TFEB: variants seen among roughly 807,000 people sequenced by gnomAD.
TFEB encodes transcription factor EB.
TFEB carries 12 observed loss-of-function variants against 48.0 expected under a neutral mutation model. The ratio of observed to expected loss-of-function variants is 0.25; its 90% CI spans 0.16 to 0.40. The LOEUF (loss-of-function observed/expected upper bound fraction) is 0.40, where lower values mean the gene tolerates loss of function less well. Ranked by LOEUF, TFEB falls within the 10% of genes least tolerant of loss-of-function variation. The pLI is 1.00. For synonymous variants in TFEB, 244 were observed against 261.4 expected, an observed-to-expected ratio of 0.93 and a Z score of 0.64; for missense variants, 509 against 640.3, an observed-to-expected ratio of 0.79 and a Z score of 2.21.
At chr6:41,708,908 C>T (rs1291143834) in intron 1 of TFEB, among the ~76,000 whole-genome samples, 2 of 152,136 alleles carry the variant, frequency 1.3e-5, no homozygotes, top group Admixed American at 6.5e-5. Flanking sequence ...CCCCACTTGG[C>T]GGAAGGTTAA....
At chr6:41,728,703 T>C (rs968834161) in intron 1 of TFEB, among the ~76,000 whole-genome samples, 1 of 151,894 alleles carries the variant, frequency 6.6e-6, no homozygotes, top group Non-Finnish European at 1.5e-5. Flanking sequence ...GGGGAGGTGC[T>C]GGCAGACTCT....
chr6:41,696,873 TC>T (rs1477539515), intron 1 of TFEB, among the ~76,000 whole-genome samples: 1 of 152,044 alleles, frequency 6.6e-6, no homozygotes, highest in Non-Finnish European at 1.5e-5. Context: ...GTATATGAGT[TC>T]AAAAAAACGC....
Position 41,735,003 on chromosome 6 carries a change from C to T in TFEB, c.-23+347G>A, listed in dbSNP as rs940170976. The T allele has an allele frequency of 8.1e-6, 8 of 985,294 alleles. No homozygotes were observed. The African/African-American group carries it at 1.4e-4, about 17-fold the overall frequency. The allele number at this position is 985,294 out of a possible 1,614,324, so 61.0% of individuals were successfully genotyped here. A position where few individuals can be genotyped will look rare whatever the true frequency, so the allele number is the denominator to read the frequency against. ...CAAACTTCTTGCGAGTTCACCATCA[C>T]GCCTCCCGCCCCTTCGACTCCCAGC... On this transcript the variant is annotated intron_variant, in intron 1 of 8. Transcript: ENST00000373033.
chr6:41,731,270 G>T (rs560942943), intron 1 of TFEB, among the ~76,000 whole-genome samples: 1 of 152,136 alleles, frequency 6.6e-6, no homozygotes, highest in South Asian at 2.1e-4. Context: ...AGTGTTAAGT[G>T]GCAGAGCTGT....
intron 1 of TFEB, among the ~76,000 whole-genome samples, chr6:41,726,162 A>G (rs1361581352): frequency 6.6e-6 from 1 of 152,248 alleles, no homozygotes; most frequent in African/African-American, 2.4e-5. Flanking sequence ...CTACGGCTAT[A>G]CACAACATAA....
At chr6:41,715,531 G>A (rs772493984) in intron 1 of TFEB, among the ~76,000 whole-genome samples, 51 of 152,130 alleles carry the variant, frequency 3.4e-4, no homozygotes, top group Non-Finnish European at 3.8e-4. Context: ...TTAGCCGGGT[G>A]TGGTGGCGGA....
chr6:41,709,808 A>T (rs1022486805), intron 1 of TFEB, among the ~76,000 whole-genome samples: 4 of 152,076 alleles, frequency 2.6e-5, no homozygotes, highest in African/African-American at 9.7e-5. Context: ...TATTTTTGAG[A>T]CAGGGTCTCA....
intron 1 of TFEB, among the ~76,000 whole-genome samples, chr6:41,699,689 G>C (rs1769793427): frequency 6.6e-6 from 1 of 152,176 alleles, no homozygotes. Context: ...TCATAATATA[G>C]CCTTTTATTA....
At chr6:41,704,380 A>G (rs1223624317) in intron 1 of TFEB, among the ~76,000 whole-genome samples, 3 of 152,238 alleles carry the variant, frequency 2.0e-5, no homozygotes, top group Non-Finnish European at 2.9e-5. Context: ...CCATCTGTAC[A>G]AAAGGATGGC....
At chr6:41,702,933 C>T (rs937274302) in intron 1 of TFEB, among the ~76,000 whole-genome samples, 10 of 152,230 alleles carry the variant, frequency 6.6e-5, no homozygotes. Context: ...AGGCTCCCTG[C>T]CGCCTGCCTG....
At chr6:41,728,737 G>A (rs939672527) in intron 1 of TFEB, among the ~76,000 whole-genome samples, 2 of 152,132 alleles carry the variant, frequency 1.3e-5, no homozygotes, top group African/African-American at 4.8e-5. Context: ...CAGACTGTGA[G>A]CCCTACACCA....
rs1325717882 is a variant in TFEB at position 41,734,539 on chromosome 6, G to C, written c.-23+811C>G. The C allele has an allele frequency of 6.3e-6, 1 of 159,194 alleles. No homozygotes were observed. The highest frequency in any genetic ancestry group is 2.2e-4 in the East Asian group (1 of 4,516). 9.9% of individuals were successfully genotyped at this position (159,194 alleles called of 1,614,324 possible). A position where few individuals can be genotyped will look rare whatever the true frequency, so the allele number is the denominator to read the frequency against. On this transcript the variant is annotated intron_variant, in intron 1 of 8. Transcript: ENST00000373033. The surrounding 1 kb of genome is among the most constrained non-coding windows in gnomAD (Gnocchi z 4.0). ...GACTCGGGGGATCGGGGGGAAGGGG[G>C]CGTGTTTTCCGGGATTCGGGACCGA...
At chr6:41,714,810 C>T (rs1035285680) in intron 1 of TFEB, among the ~76,000 whole-genome samples, 2 of 152,142 alleles carry the variant, frequency 1.3e-5, no homozygotes, top group African/African-American at 4.8e-5. Flanking sequence ...GACTCCAGCC[C>T]TCAGGGAATC....
At chr6:41,696,143 AC>A (rs1769569612) in intron 1 of TFEB, among the ~76,000 whole-genome samples, 2 of 152,228 alleles carry the variant, frequency 1.3e-5, no homozygotes, top group Non-Finnish European at 2.9e-5. Context: ...GTGCCCTCAA[AC>A]TATTGTCAGC....
chr6:41,695,680 C>T (rs1769540298), intron 1 of TFEB, among the ~76,000 whole-genome samples: 2 of 152,040 alleles, frequency 1.3e-5, no homozygotes, highest in South Asian at 2.1e-4. Flanking sequence ...GAGTTGTTAC[C>T]GCTGGGGAGG....
At chr6:41,703,600 C>A (rs1395801013) in intron 1 of TFEB, among the ~76,000 whole-genome samples, 2 of 152,212 alleles carry the variant, frequency 1.3e-5, no homozygotes, top group Non-Finnish European at 2.9e-5. Context: ...CTGAAGTAGC[C>A]AGGTCTTCCT....
At chr6:41,706,527 C>T (rs2127459865) in intron 1 of TFEB, among the ~76,000 whole-genome samples, 1 of 151,306 alleles carries the variant, frequency 6.6e-6, no homozygotes, top group South Asian at 2.1e-4. Flanking sequence ...CCCCATCCTG[C>T]CCAAGAGTTG....
chr6:41,724,137 T>C lies in TFEB; in HGVS notation c.-23+11213A>G, dbSNP rs891861274. 3.3e-5 allele frequency among the ~76,000 whole-genome samples: 5 copies of C among 152,178 alleles called. No individual in the cohort carries two copies. Among genetic ancestry groups the C allele is most frequent in the Non-Finnish European group, 7.3e-5 (5 of 68,038 alleles). On this transcript the variant is annotated intron_variant, in intron 1 of 8. Transcript: ENST00000373033. The surrounding 1 kb of genome is among the most constrained non-coding windows in gnomAD (Gnocchi z 4.4). ...GAAGATCCACACCACCGCACACTTT[T>C]CACTTGTGCAGAAACTGTTCTTGAT...
intron 1 of TFEB, among the ~76,000 whole-genome samples, chr6:41,731,659 C>T (rs1464716755): frequency 6.6e-6 from 1 of 152,182 alleles, no homozygotes. Flanking sequence ...TGGGGTCTCT[C>T]GACTCCTGGT....
Sources: allele counts gnomAD v4.1 joint callset (sites outside exome capture counted in the v4.1 genomes callset), GRCh38; gene constraint gnomAD v4.1.1; non-coding constraint Gnocchi (gnomAD v3.1); transcripts MANE v1.5; gene names NCBI Gene and HGNC (gene_info 2026-07-23, HGNC 2026-07-21).